Variants in HS1BP3 observed in about 807,000 individuals in gnomAD.
The protein encoded by HS1BP3 is HCLS1 binding protein 3.
Under a neutral mutation model 33.5 loss-of-function variants are expected in HS1BP3, and 32 were observed. The ratio of observed to expected loss-of-function variants is 0.95; its 90% confidence interval spans 0.72 to 1.28. The LOEUF (loss-of-function observed/expected upper bound fraction) is 1.28, where lower values mean the gene tolerates loss of function less well. Ranked by LOEUF, HS1BP3 falls within the 50% of genes most tolerant of loss-of-function variation. HS1BP3 has a pLI of 0.00. For missense variants in HS1BP3, 486 were observed against 502.3 expected (o/e 0.97, Z 0.31); for synonymous variants, 187 against 209.2 (o/e 0.89, Z 0.92).
chr2:20,569,253 G>GT, intron 5 of HS1BP3, among the ~76,000 whole-genome samples: 1 of 152,286 alleles, frequency 6.6e-6, no homozygotes, highest in South Asian at 2.1e-4. Context: ...AAAACTTTTT[G>GT]TTTTTTCCTT....
At chr2:20,584,068 C>T (rs145528725) in intron 5 of HS1BP3, among the ~76,000 whole-genome samples, 69 of 152,310 alleles carry the variant, frequency 4.5e-4, no homozygotes, top group African/African-American at 1.6e-3. Context: ...ATTTCTTCTG[C>T]GATTGTAAGA....
downstream of HS1BP3, among the ~76,000 whole-genome samples, chr2:20,555,879 C>T (rs896961743): frequency 2.6e-5 from 4 of 152,308 alleles, no homozygotes; most frequent in South Asian, 6.2e-4. Context: ...TTCTCACTCC[C>T]CTTCCCCACT....
At chr2:20,589,359 C>T (rs1359962900), downstream of HS1BP3, among the ~76,000 whole-genome samples, 1 of 152,232 alleles carries the variant, frequency 6.6e-6, no homozygotes, top group African/African-American at 2.4e-5. Context: ...CAACCTCCCT[C>T]ACTCTTGACA....
chr2:20,612,957 C>T (rs574916544), downstream of HS1BP3, among the ~76,000 whole-genome samples: 7 of 152,210 alleles, frequency 4.6e-5, no homozygotes, highest in South Asian at 4.1e-4. Context: ...TGTGAGGTCC[C>T]GATGCAAATC....
chr2:20,642,315 C>T (rs1695378549), intron 2 of HS1BP3, among the ~76,000 whole-genome samples: 1 of 152,094 alleles, frequency 6.6e-6, no homozygotes, highest in African/African-American at 2.4e-5. Context: ...CCAGCAACAC[C>T]ACCCAGAATG....
downstream of HS1BP3, among the ~76,000 whole-genome samples, chr2:20,590,454 C>T (rs765615640): frequency 2.5e-4 from 38 of 152,204 alleles, no homozygotes; most frequent in Non-Finnish European, 5.0e-4. Context: ...GACCCGATGC[C>T]TCTGGGCCCT....
chr2:20,640,519 G>C, intron 3 of HS1BP3: 1 of 399,002 alleles, frequency 2.5e-6, no homozygotes, highest in Non-Finnish European at 4.5e-6. Context: ...TGGGGGCACA[G>C]GTGAGAAGCA....
At chr2:20,562,409 T>A (rs1410597963) in intron 5 of HS1BP3, among the ~76,000 whole-genome samples, 3 of 151,968 alleles carry the variant, frequency 2.0e-5, no homozygotes, top group Non-Finnish European at 4.4e-5. Flanking sequence ...AGCCCAGGAG[T>A]TTGAGGCTGT....
At chr2:20,638,153 G>A (rs751740181) in intron 4 of HS1BP3, 11 of 570,218 alleles carry the variant, frequency 1.9e-5, no homozygotes, top group South Asian at 7.0e-5. Flanking sequence ...GAGCTGTCAC[G>A]GAGGACTCTA....
At chr2:20,608,072 A>C (rs1558332390) in intron 2 of HS1BP3, among the ~76,000 whole-genome samples, 1 of 152,150 alleles carries the variant, frequency 6.6e-6, no homozygotes, top group Non-Finnish European at 1.5e-5. Flanking sequence ...AATATAACTA[A>C]TTTTGTGTTA....
chr2:20,561,532 A>G (rs192931101), intron 5 of HS1BP3, among the ~76,000 whole-genome samples: 9 of 152,108 alleles, frequency 5.9e-5, no homozygotes, highest in African/African-American at 2.2e-4. Context: ...CATCACACAC[A>G]TACAACCCCT....
downstream of HS1BP3, among the ~76,000 whole-genome samples, chr2:20,558,329 G>A (rs953796166): frequency 1.3e-5 from 2 of 152,190 alleles, no homozygotes; most frequent in East Asian, 1.9e-4. Context: ...TGGCTTCCAG[G>A]GAGGCTGAAC....
chr2:20,647,290 C>T (rs1032636749), intron 1 of HS1BP3, among the ~76,000 whole-genome samples: 1 of 152,228 alleles, frequency 6.6e-6, no homozygotes, highest in African/African-American at 2.4e-5. Context: ...TTAGGCCCAG[C>T]TCCCCTGACT....
chr2:20,556,347 C>T (rs1336877312), downstream of HS1BP3, among the ~76,000 whole-genome samples: 2 of 152,174 alleles, frequency 1.3e-5, no homozygotes, highest in Non-Finnish European at 2.9e-5. Flanking sequence ...ATCAGCTTTG[C>T]AAAATGTGTC....
intron 2 of HS1BP3, among the ~76,000 whole-genome samples, chr2:20,607,054 C>T (rs1413595241): frequency 2.0e-5 from 3 of 151,776 alleles, no homozygotes; most frequent in Non-Finnish European, 4.4e-5. Flanking sequence ...TGAAGACTTA[C>T]CCTATATTTT....
chr2:20,587,853 G>A (rs1319596584), downstream of HS1BP3, among the ~76,000 whole-genome samples: 1 of 152,256 alleles, frequency 6.6e-6, no homozygotes, highest in Non-Finnish European at 1.5e-5. Flanking sequence ...TGAGCCCAGT[G>A]CCTTGGCAGA....
At chr2:20,630,516 G>C (rs187846071) in intron 4 of HS1BP3, among the ~76,000 whole-genome samples, 1 of 152,154 alleles carries the variant, frequency 6.6e-6, no homozygotes, top group African/African-American at 2.4e-5. Flanking sequence ...TGGTCTTCCC[G>C]CCTTGACCTC....
At chr2:20,560,062 C>T (rs1692952616), downstream of HS1BP3, among the ~76,000 whole-genome samples, 1 of 152,202 alleles carries the variant, frequency 6.6e-6, no homozygotes, top group Admixed American at 6.5e-5. Context: ...TCTCATCTGG[C>T]AGCCCAGCAC....
intron 5 of HS1BP3, among the ~76,000 whole-genome samples, chr2:20,566,835 G>A (rs551220055): frequency 6.6e-6 from 1 of 152,236 alleles, no homozygotes; most frequent in African/African-American, 2.4e-5. Flanking sequence ...TCAAACTCCT[G>A]ACCTCAGGTG....
Sources: allele counts gnomAD v4.1 joint callset (sites outside exome capture counted in the v4.1 genomes callset), GRCh38; gene constraint gnomAD v4.1.1; transcripts MANE v1.5; gene names NCBI Gene and HGNC (gene_info 2026-07-23, HGNC 2026-07-21).